The following XPA variants were observed in gnomAD, a reference collection of about 807,000 sequenced individuals.
The protein encoded by XPA is XPA, DNA damage recognition and repair factor, also known as DNA repair protein complementing XP-A cells.
Under a neutral mutation model 35.7 loss-of-function variants are expected in XPA, and 27 were observed. The observed-to-expected ratio is 0.76, with a 90% CI of 0.56 to 1.04. The LOEUF is 1.04. Ranked by LOEUF, XPA falls within the 50% of genes least tolerant of loss-of-function variation. The pLI is 0.00. For synonymous variants in XPA, 133 were observed against 118.4 expected (o/e 1.12, Z -0.80); for missense variants, 354 against 342.7 (o/e 1.03, Z -0.26).
At chr9:97,661,041 C>T in the XPA span, 1 of 1,612,790 alleles carries the variant, frequency 6.2e-7, no homozygotes, top group South Asian at 1.1e-5. Flanking sequence ...GAAAGATGTA[C>T]CAAATCCTAA....
the XPA span, chr9:97,655,835 GTGTC>G: frequency 2.1e-6 from 3 of 1,446,422 alleles, no homozygotes; most frequent in Non-Finnish European, 2.9e-6. Context: ...TAACATAAAA[GTGTC>G]TGAAATATTT....
Position 97,689,368 on chromosome 9 carries a change from C to A in XPA, c.389+166G>T, listed in dbSNP as rs1051701924. 9.2e-5 allele frequency among the ~76,000 whole-genome samples: 14 copies of A among 152,224 alleles called. No homozygotes were observed. The South Asian group carries it at 1.0e-3, about 11-fold the overall frequency. On this transcript the variant is annotated intron_variant, in intron 3 of 5. Coordinates refer to ENST00000375128, the MANE Select transcript of XPA (RefSeq NM_000380.4). ...GGTATATCATAAGCTTTAATAAGCACAGATTTACAGTATTTGGCAAAATAG... is the reference window on the plus strand; with the variant it reads ...GGTATATCATAAGCTTTAATAAGCAAAGATTTACAGTATTTGGCAAAATAG...
In XPA at chr9:97,687,206, G is replaced by A. The variant is rs776195320; in HGVS notation, c.445C>T (p.Leu149Phe). ...TTTTCTAAATCACAGTCTTTCAGAA[G>A]ATATTCTTGTTTTGCCTCTGTTTTG... ...ITKTEAKQEY[L>F]LKDCDLEKRE... The change falls in exon 4 of 6, where the codon CTT (leucine) becomes TTT (phenylalanine). Residue 149 changes from leucine (L) to phenylalanine (F), a missense_variant. Transcript: ENST00000375128. 13 of 1,611,162 alleles carry A rather than the reference G, an allele frequency of 8.1e-6. No individual in the cohort carries two copies. Among genetic ancestry groups the A allele is most frequent in the Non-Finnish European group, 4.2e-6 (5 of 1,179,178 alleles).
intron 4 of XPA, 24 bp downstream of exon 4, chr9:97,687,072 T>G: frequency 6.3e-7 from 1 of 1,592,900 alleles, no homozygotes; most frequent in Non-Finnish European, 8.5e-7. Context: ...GAGTGAAAAA[T>G]AATAAATACA....
intron 4 of XPA, among the ~76,000 whole-genome samples, chr9:97,685,291 CTG>C (rs1405447560): frequency 1.3e-5 from 2 of 152,282 alleles, no homozygotes; most frequent in Non-Finnish European, 2.9e-5. Context: ...TGTCCTCTGA[CTG>C]TATTGTCACA....
intron 3 of XPA, 66 bp downstream of exon 3, chr9:97,689,468 T>C (rs1386673940): frequency 6.3e-6 from 6 of 946,700 alleles, no homozygotes; most frequent in South Asian, 5.5e-5. Context: ...CAAACAGATA[T>C]AACTTGTTTT....
intron 4 of XPA, among the ~76,000 whole-genome samples, chr9:97,685,264 A>C (rs2131393831): frequency 6.6e-6 from 1 of 152,356 alleles, no homozygotes; most frequent in South Asian, 2.1e-4. Flanking sequence ...GCTGAATTAG[A>C]TTATAAATAG....
In XPA at chr9:97,689,516, A is replaced by AC; in HGVS notation, c.389+17dup. ...CACATAAACATTAGCAATTAAGAAC[A>AC]CCATCTAAAATAAGTACCTGCAGTT... On this transcript the variant is annotated intron_variant, in intron 3 of 5. Coordinates refer to ENST00000375128, the MANE Select transcript of XPA (RefSeq NM_000380.4). 6.7e-7 allele frequency: 1 copy of AC among 1,492,618 alleles called. No individual in the cohort carries two copies. Among genetic ancestry groups the AC allele is most frequent in the South Asian group, 1.1e-5 (1 of 88,394 alleles). The allele number at this position is 1,492,618 out of a possible 1,614,324, so 92.5% of individuals were successfully genotyped here.
At chr9:97,660,354 A>G in the XPA span, among the ~76,000 whole-genome samples, 1 of 152,194 alleles carries the variant, frequency 6.6e-6, no homozygotes, top group African/African-American at 2.4e-5. Context: ...AATTTTTATA[A>G]TAAGGACTCA....
At position 97,675,536 on chromosome 9, in the gene XPA, T is replaced by G; in HGVS notation, c.725A>C (p.His242Pro). 1 of 1,614,050 alleles carries G rather than the reference T, an allele frequency of 6.2e-7. No individual in the cohort carries two copies. Among genetic ancestry groups the G allele is most frequent in the Middle Eastern group, 1.6e-4 (1 of 6,062 alleles). The change falls in exon 6 of 6, where the codon CAT becomes CCT. Residue 242 changes from histidine to proline, a missense_variant. Transcript: ENST00000375128. ...TTCTTCTGGTCCATACTCATGTTGA[T>G]GAACAATCGTCTCCCTTTTCCACAC... ...SSVWKRETIV[H>P]QHEYGPEENL...
Position 97,675,556 on chromosome 9 carries a change from C to T in XPA, c.705G>A (p.Trp235Ter), listed in dbSNP as rs1170251457. The change falls in exon 6 of 6, where the codon TGG becomes TGA. Residue 235 changes from tryptophan (W) to a stop codon, truncating the protein, a stop_gained. Transcript: ENST00000375128. LOFTEE classifies it high-confidence loss of function. The part of the protein sequence containing the change: ...ELRRAVRSSV[W>*]KRETIVHQHE... Reference sequence around the variant, plus strand: ...GTTGATGAACAATCGTCTCCCTTTTCCACACGCTGCTTCTTACTGCTCGCC... The same window carrying T: ...GTTGATGAACAATCGTCTCCCTTTTTCACACGCTGCTTCTTACTGCTCGCC... 6.2e-7 allele frequency: 1 copy of T among 1,613,864 alleles called. No homozygotes were observed. The highest frequency in any genetic ancestry group is 8.5e-7 in the Non-Finnish European group (1 of 1,179,966).
At chr9:97,683,359 T>A (rs552106192) in intron 5 of XPA, among the ~76,000 whole-genome samples, 1 of 152,194 alleles carries the variant, frequency 6.6e-6, no homozygotes. Context: ...ATCAGAACTC[T>A]TTCCAAATCC....
At chr9:97,684,314 G>C (rs1300501195) in intron 5 of XPA, among the ~76,000 whole-genome samples, 4 of 152,084 alleles carry the variant, frequency 2.6e-5, no homozygotes, top group African/African-American at 4.8e-5. Flanking sequence ...TGGATAACAG[G>C]GACAAATTAA....
the XPA span, chr9:97,668,836 C>T: frequency 9.3e-6 from 15 of 1,606,104 alleles, no homozygotes; most frequent in South Asian, 1.6e-4. Flanking sequence ...TGTTCATTTG[C>T]CTTCTATAGC....
In XPA at chr9:97,689,514, ACAC is replaced by A. The variant is rs768932691; in HGVS notation, c.389+17_389+19del. On this transcript the variant is annotated intron_variant, in intron 3 of 5. Coordinates refer to ENST00000375128, the MANE Select transcript of XPA (RefSeq NM_000380.4). The stretch of plus-strand genomic sequence containing the variant: ...TACACATAAACATTAGCAATTAAGA[ACAC>A]CATCTAAAATAAGTACCTGCAGTTA... The A allele has an allele frequency of 1.3e-6, 2 of 1,482,020 alleles. No individual in the cohort carries two copies. Among genetic ancestry groups the A allele is most frequent in the Admixed American group, 1.7e-5 (1 of 59,790 alleles). 91.8% of individuals were successfully genotyped at this position (1,482,020 alleles called of 1,614,324 possible). A position where few individuals can be genotyped will look rare whatever the true frequency, so the allele number is the denominator to read the frequency against.
chr9:97,686,509 G>C (rs1828721494), intron 4 of XPA, among the ~76,000 whole-genome samples: 1 of 151,992 alleles, frequency 6.6e-6, no homozygotes, highest in African/African-American at 2.4e-5. Flanking sequence ...CTTTTTTGGT[G>C]GGAGATGGAG....
chr9:97,689,611 T>G lies in XPA; in HGVS notation c.312A>C (p.Ile104=), dbSNP rs1448930814. 34 of 1,611,926 alleles carry G rather than the reference T, an allele frequency of 2.1e-5. No homozygotes were observed. Among genetic ancestry groups the G allele is most frequent in the Non-Finnish European group, 2.8e-5 (33 of 1,178,420 alleles). ...PGPVMEFDYV[I]CEECGKEFMD... is the part of the protein sequence containing the mutation. ...TAAATTCTTTCCCACATTCTTCGCA[T>G]ATTACATAATCAAATTCCATAACAG... The change falls in exon 3 of 6, where the codon ATA becomes ATC. Residue 104 remains isoleucine, a synonymous_variant. Coordinates refer to ENST00000375128, the MANE Select transcript of XPA (RefSeq NM_000380.4).
At chr9:97,676,519 A>G (rs1457370738) in intron 5 of XPA, among the ~76,000 whole-genome samples, 1 of 152,248 alleles carries the variant, frequency 6.6e-6, no homozygotes, top group African/African-American at 2.4e-5. Flanking sequence ...AGCTATAAAA[A>G]TAACATACAT....
At chr9:97,679,672 T>G (rs968673784) in intron 5 of XPA, among the ~76,000 whole-genome samples, 1 of 152,132 alleles carries the variant, frequency 6.6e-6, no homozygotes, top group South Asian at 2.1e-4. Flanking sequence ...AAAGTAAGAC[T>G]CAGCCCTGTG....
Sources: gnomAD v4.1 joint callset for allele counts (sites outside exome capture counted in the v4.1 genomes callset) on GRCh38, gnomAD v4.1.1 for gene constraint, MANE v1.5 for transcripts, NCBI Gene and HGNC (gene_info 2026-07-23, HGNC 2026-07-21) for gene names.